The following ADGRL3 variants were observed in gnomAD, a reference collection of about 807,000 sequenced individuals.
The protein encoded by ADGRL3 is calcium-independent alpha-latrotoxin receptor 3.
In ADGRL3, 62 loss-of-function variants were observed where a neutral mutation model predicts 153.5. That is an observed-to-expected ratio of 0.40 (90% CI 0.33 to 0.50). The LOEUF is 0.50. ADGRL3 is among the 20% of genes least tolerant of loss of function. The pLI is 0.47. For missense variants in ADGRL3, 1,641 were observed against 1,859.4 expected (o/e 0.88, Z 2.16); for synonymous variants, 710 against 672.5 (o/e 1.06, Z -0.86).
intron 5 of ADGRL3, among the ~76,000 whole-genome samples, chr4:61,619,516 TACACAC>T (rs34015455): frequency 0.034 from 5,083 of 149,476 alleles, 161 homozygotes; most frequent in East Asian, 0.19. Context: ...GAATGTGAGA[TACACAC>T]ACACACACAC....
At chr4:61,814,156 C>T (rs1338920955) in intron 9 of ADGRL3, among the ~76,000 whole-genome samples, 1 of 151,518 alleles carries the variant, frequency 6.6e-6, no homozygotes. Flanking sequence ...TAGTTGAATA[C>T]CAATTTAGAT....
At chr4:61,655,239 G>T (rs2094409554) in intron 5 of ADGRL3, among the ~76,000 whole-genome samples, 2 of 152,078 alleles carry the variant, frequency 1.3e-5, no homozygotes, top group South Asian at 4.1e-4. Context: ...TAAGTAACTT[G>T]TAAGCTATAA....
At chr4:61,746,389 A>T (rs1397298803) in intron 8 of ADGRL3, among the ~76,000 whole-genome samples, 1 of 152,180 alleles carries the variant, frequency 6.6e-6, no homozygotes, top group Non-Finnish European at 1.5e-5. Context: ...TCCACCCCAA[A>T]TCAACAGAAT....
intron 2 of ADGRL3, among the ~76,000 whole-genome samples, chr4:61,461,398 A>G (rs188579824): frequency 1.3e-5 from 2 of 152,324 alleles, no homozygotes; most frequent in Non-Finnish European, 2.9e-5. Flanking sequence ...ATACAAAGAA[A>G]TAATAAGTGT....
At chr4:61,857,971 G>T (rs1047505387) in intron 9 of ADGRL3, among the ~76,000 whole-genome samples, 3 of 152,164 alleles carry the variant, frequency 2.0e-5, no homozygotes, top group Non-Finnish European at 4.4e-5. Context: ...AAACTTTAAT[G>T]AGGCAGAATC....
chr4:61,228,286 G>C (rs191693131), intron 1 of ADGRL3, among the ~76,000 whole-genome samples: 60 of 152,220 alleles, frequency 3.9e-4, no homozygotes, highest in Admixed American at 2.0e-3. Flanking sequence ...GTTACCATTT[G>C]AGAAAAGGAA....
At position 61,657,134 on chromosome 4, in the gene ADGRL3, G is replaced by T. The variant is rs556405847; in HGVS notation, c.474-19692G>T. ...TTTTCCCCTCTCTGCTCTTGTGATTGTACTTCACTCTTAGAGTTCTCCATT... is the reference window on the plus strand; with the variant it reads ...TTTTCCCCTCTCTGCTCTTGTGATTTTACTTCACTCTTAGAGTTCTCCATT... On this transcript the variant is annotated intron_variant, in intron 5 of 26. Transcript: ENST00000683033. Among the ~76,000 whole-genome samples the T allele has an allele frequency of 2.0e-5, 3 of 152,204 alleles. No homozygotes were observed. The East Asian group carries it at 5.8e-4, about 29-fold the overall frequency.
At chr4:61,858,929 A>T (rs1034502071) in intron 9 of ADGRL3, among the ~76,000 whole-genome samples, 1 of 152,208 alleles carries the variant, frequency 6.6e-6, no homozygotes, top group Non-Finnish European at 1.5e-5. Flanking sequence ...ATTGATGGGG[A>T]TAAAAGGATG....
chr4:61,601,010 T>G (rs1260977302), intron 5 of ADGRL3, among the ~76,000 whole-genome samples: 3 of 152,160 alleles, frequency 2.0e-5, no homozygotes, highest in African/African-American at 7.2e-5. Flanking sequence ...TTTTTTTATT[T>G]GGGGGCATTC....
At chr4:61,540,057 A>G (rs913488320) in intron 4 of ADGRL3, among the ~76,000 whole-genome samples, 1 of 152,240 alleles carries the variant, frequency 6.6e-6, no homozygotes, top group Admixed American at 6.5e-5. Flanking sequence ...TGCCAGGTAC[A>G]TTTTTCAGCA....
chr4:61,744,973 T>A (rs1007038723), intron 8 of ADGRL3, among the ~76,000 whole-genome samples: 1 of 151,800 alleles, frequency 6.6e-6, no homozygotes. Context: ...TTGAAAAAAA[T>A]TTAGGCGAGT....
intron 6 of ADGRL3, among the ~76,000 whole-genome samples, chr4:61,707,883 T>C (rs1561098958): frequency 6.6e-6 from 1 of 152,132 alleles, no homozygotes; most frequent in Non-Finnish European, 1.5e-5. Flanking sequence ...TTAGAGACAT[T>C]GTGGAGGGCT....
intron 1 of ADGRL3, among the ~76,000 whole-genome samples, chr4:61,208,041 T>C (rs2148802897): frequency 6.6e-6 from 1 of 152,296 alleles, no homozygotes; most frequent in East Asian, 1.9e-4. Flanking sequence ...TGTAGAAAAC[T>C]TGTTTTTAGA....
At chr4:61,322,731 CTG>C (rs1237374602) in intron 1 of ADGRL3, among the ~76,000 whole-genome samples, 1 of 152,350 alleles carries the variant, frequency 6.6e-6, no homozygotes, top group Non-Finnish European at 1.5e-5. Context: ...AGCTCCACCC[CTG>C]TGGCTTTTCA....
At chr4:61,231,994 A>ATTACTAGCTATCTAGT in intron 1 of ADGRL3, among the ~76,000 whole-genome samples, 1 of 151,686 alleles carries the variant, frequency 6.6e-6, no homozygotes, top group Non-Finnish European at 1.5e-5. Flanking sequence ...TAGATAGATA[A>ATTACTAGCTATCTAGT]ATTAGGAAAA....
intron 1 of ADGRL3, among the ~76,000 whole-genome samples, chr4:61,333,139 T>A (rs2150996876): frequency 6.6e-6 from 1 of 151,772 alleles, no homozygotes; most frequent in Non-Finnish European, 1.5e-5. Flanking sequence ...CTTATTAAAA[T>A]TTTATTTTCT....
At chr4:62,060,495 C>G (rs1739477377) in intron 25 of ADGRL3, among the ~76,000 whole-genome samples, 1 of 151,536 alleles carries the variant, frequency 6.6e-6, no homozygotes, top group African/African-American at 2.4e-5. Flanking sequence ...TAACTTATAC[C>G]TTTCATTTTC....
intron 4 of ADGRL3, among the ~76,000 whole-genome samples, chr4:61,532,553 CGCGTGTGT>C (rs2098628560): frequency 7.6e-6 from 1 of 131,516 alleles, no homozygotes; most frequent in African/African-American, 2.8e-5. Context: ...CGCGCGCGCG[CGCGTGTGT>C]GTGTGTGTGT....
At chr4:61,804,049 T>C (rs528354344) in intron 8 of ADGRL3, among the ~76,000 whole-genome samples, 1 of 152,128 alleles carries the variant, frequency 6.6e-6, no homozygotes, top group East Asian at 1.9e-4. Context: ...CAGAGGGGAG[T>C]TGTCAAAATT....
Sources: gnomAD v4.1 joint callset for allele counts (sites outside exome capture counted in the v4.1 genomes callset) on GRCh38, gnomAD v4.1.1 for gene constraint, MANE v1.5 for transcripts, NCBI Gene and HGNC (gene_info 2026-07-23, HGNC 2026-07-21) for gene names.